The following CPT1A variants were observed in gnomAD, a reference collection of about 807,000 sequenced individuals.
CPT1A encodes carnitine palmitoyltransferase 1A.
In CPT1A, 64 loss-of-function variants were observed where a neutral mutation model predicts 100.8. The observed-to-expected ratio is 0.63, with a 90% CI of 0.52 to 0.78. The LOEUF is 0.78. Ranked by LOEUF, CPT1A falls within the 30% of genes least tolerant of loss-of-function variation. The probability of loss-of-function intolerance (pLI) is 0.00; values close to 1 mark genes in which losing one functional copy is unlikely to be tolerated. For synonymous variants in CPT1A, 363 were observed against 396.0 expected (o/e 0.92, Z 0.99); for missense variants, 802 against 1,034.1 (o/e 0.78, Z 3.08).
In CPT1A at chr11:68,757,722, A is replaced by G. The variant is rs746766870; in HGVS notation, c.2244T>C (p.His748=). 2.6e-5 allele frequency: 42 copies of G among 1,613,830 alleles called. 1 individual carries two copies. The South Asian group carries it at 4.5e-4, about 17-fold the overall frequency. The change falls in exon 19 of 19, where the codon CAT becomes CAC. Residue 748 remains histidine, a synonymous_variant. Transcript: ENST00000265641. The part of the protein sequence containing the change: ...SKFSCPETDS[H]RFGRHLKEAM... Reference sequence around the variant, plus strand: ...CTTCTTTCAGGTGCCTTCCAAAGCGATGAGAATCCTTTCATGTAAAAACAA... The same window carrying G: ...CTTCTTTCAGGTGCCTTCCAAAGCGGTGAGAATCCTTTCATGTAAAAACAA...
chr11:68,838,000 C>T (rs1435952845), intron 1 of CPT1A, among the ~76,000 whole-genome samples: 5 of 152,122 alleles, frequency 3.3e-5, no homozygotes, highest in Non-Finnish European at 4.4e-5. Flanking sequence ...AGGAAGAATG[C>T]AGGCTGGCTC....
At chr11:68,837,399 G>A (rs548489197) in intron 1 of CPT1A, among the ~76,000 whole-genome samples, 32 of 152,322 alleles carry the variant, frequency 2.1e-4, no homozygotes, top group African/African-American at 7.5e-4. Context: ...TGTCTGTGGT[G>A]ACTCAATGTG....
At chr11:68,763,989 AG>A (rs1478325288) in intron 14 of CPT1A, among the ~76,000 whole-genome samples, 2 of 145,676 alleles carry the variant, frequency 1.4e-5, no homozygotes, top group African/African-American at 5.0e-5. Context: ...AAGGGAGGGC[AG>A]GGAGGGACAA....
chr11:68,792,501 T>G (rs1253594738), intron 9 of CPT1A, among the ~76,000 whole-genome samples: 1 of 152,124 alleles, frequency 6.6e-6, no homozygotes, highest in African/African-American at 2.4e-5. Context: ...CCTGGGGAAA[T>G]GGAGGCCATG....
chr11:68,798,610 G>A (rs756808689), intron 6 of CPT1A, among the ~76,000 whole-genome samples: 7 of 151,512 alleles, frequency 4.6e-5, no homozygotes, highest in East Asian at 1.9e-4. Flanking sequence ...TGGGACCACC[G>A]AGCCACACTC....
In CPT1A at chr11:68,772,228, C is replaced by T. The variant is rs528587333; in HGVS notation, c.1740+1037G>A. On this transcript the variant is annotated intron_variant, in intron 14 of 18. Coordinates refer to ENST00000265641, the MANE Select transcript of CPT1A (RefSeq NM_001876.4). ...ATTAGCTGGGCATGGGGGCGCACACCTGTAATCCCAGCTACTCGGGAGGCT... is the reference window on the plus strand; with the variant it reads ...ATTAGCTGGGCATGGGGGCGCACACTTGTAATCCCAGCTACTCGGGAGGCT... Among the ~76,000 whole-genome samples the T allele has an allele frequency of 6.6e-5, 10 of 152,264 alleles. No individual in the cohort carries two copies. The Middle Eastern group carries it at 0.014, about 209-fold the overall frequency.
chr11:68,831,833 A>T (rs1200323887), intron 1 of CPT1A, among the ~76,000 whole-genome samples: 1 of 151,946 alleles, frequency 6.6e-6, no homozygotes, highest in African/African-American at 2.4e-5. Flanking sequence ...GGTTTTTACC[A>T]TGTTGACCAG....
At chr11:68,805,221 A>G (rs1044422746) in intron 4 of CPT1A, among the ~76,000 whole-genome samples, 3 of 152,008 alleles carry the variant, frequency 2.0e-5, no homozygotes, top group African/African-American at 7.2e-5. Flanking sequence ...GAGGCCGAGG[A>G]GGGTGGATCG....
intron 1 of CPT1A, among the ~76,000 whole-genome samples, chr11:68,820,890 C>G (rs1856565447): frequency 6.6e-6 from 1 of 152,130 alleles, no homozygotes; most frequent in African/African-American, 2.4e-5. Context: ...CCCCCGGAAT[C>G]TGAGGGGGAC....
intron 10 of CPT1A, 76 bp downstream of exon 10, chr11:68,784,739 T>C (rs2153998356): frequency 7.1e-7 from 1 of 1,411,088 alleles, no homozygotes. Flanking sequence ...CCACAGGCCC[T>C]GGTGGGGATG....
chr11:68,836,481 G>GA (rs1025789900), intron 1 of CPT1A, among the ~76,000 whole-genome samples: 55 of 151,040 alleles, frequency 3.6e-4, no homozygotes, highest in African/African-American at 9.5e-4. Flanking sequence ...TCCTGCCTCG[G>GA]AAAAAAAAAC....
chr11:68,803,919 G>T, intron 5 of CPT1A, 81 bp downstream of exon 5: 1 of 1,102,392 alleles, frequency 9.1e-7, no homozygotes, highest in Non-Finnish European at 1.4e-6. Flanking sequence ...AAATGGCGGT[G>T]ACCTAGTTCA....
intron 3 of CPT1A, among the ~76,000 whole-genome samples, chr11:68,808,630 A>G (rs1356581492): frequency 7.9e-5 from 12 of 151,738 alleles, no homozygotes; most frequent in Admixed American, 7.9e-4. Flanking sequence ...CGGCCTCCCA[A>G]AGTGCTGGGA....
downstream of CPT1A, chr11:68,754,696 A>C (rs896466559): frequency 6.9e-6 from 5 of 721,008 alleles, no homozygotes; most frequent in Non-Finnish European, 1.1e-5. Flanking sequence ...GAATGGATGA[A>C]TAAATGCACA....
At chr11:68,786,388 C>A (rs575267656) in intron 9 of CPT1A, among the ~76,000 whole-genome samples, 2 of 152,240 alleles carry the variant, frequency 1.3e-5, no homozygotes, top group South Asian at 4.2e-4. Flanking sequence ...CAAAATAGGA[C>A]AAGTGTCACA....
Position 68,785,000 on chromosome 11 carries a change from CT to C in CPT1A, c.977del (p.Gln326ArgfsTer3). ...RIPGEETDTI[Q>X]HMRDSKHIVV... ...CGATGTGCTTGCTGTCTCTCATGTGCTGGATGGTGTCTGAGCCGGCCGCAGG... is the reference window on the plus strand; with the variant it reads ...CGATGTGCTTGCTGTCTCTCATGTGCGGATGGTGTCTGAGCCGGCCGCAGG... On this transcript the variant is annotated frameshift_variant, in exon 10 of 19. Coordinates refer to ENST00000265641, the MANE Select transcript of CPT1A (RefSeq NM_001876.4). LOFTEE classifies it high-confidence loss of function. 2 of 1,613,770 alleles carry C rather than the reference CT, an allele frequency of 1.2e-6. No individual in the cohort carries two copies. Among genetic ancestry groups the C allele is most frequent in the South Asian group, 2.2e-5 (2 of 91,082 alleles).
At chr11:68,806,787 G>A (rs1856058816) in intron 4 of CPT1A, among the ~76,000 whole-genome samples, 2 of 152,098 alleles carry the variant, frequency 1.3e-5, no homozygotes, top group East Asian at 1.9e-4. Context: ...AAACTAGCCA[G>A]GCATGGTGGT....
chr11:68,819,220 A>G (rs1433327704), intron 1 of CPT1A, among the ~76,000 whole-genome samples: 2 of 152,100 alleles, frequency 1.3e-5, no homozygotes, highest in Non-Finnish European at 2.9e-5. Flanking sequence ...CTGGGCTTAC[A>G]AGTGCCTGCC....
Position 68,755,293 on chromosome 11 carries a change from A to T in CPT1A, c.*2351T>A, listed in dbSNP as rs976756788. On this transcript the variant is annotated 3_prime_UTR_variant, in exon 19 of 19. Coordinates refer to ENST00000265641, the MANE Select transcript of CPT1A (RefSeq NM_001876.4). ...ACAGTGCATGATCTAGCTGGCTCTG[A>T]TAGGGACTGACGCCGGCTGCTGGCT... 4 of 161,382 alleles carry T rather than the reference A, an allele frequency of 2.5e-5. No homozygotes were observed. Among genetic ancestry groups the T allele is most frequent in the Middle Eastern group, 5.1e-4 (1 of 1,954 alleles). The allele number at this position is 161,382 out of a possible 1,614,324, so 10.0% of individuals were successfully genotyped here.
Sources: allele counts gnomAD v4.1 joint callset (sites outside exome capture counted in the v4.1 genomes callset), GRCh38; gene constraint gnomAD v4.1.1; transcripts MANE v1.5; gene names NCBI Gene and HGNC (gene_info 2026-07-23, HGNC 2026-07-21).